The following KCTD19 variants were observed in gnomAD, a reference collection of about 807,000 sequenced individuals.
KCTD19 encodes the protein BTB/POZ domain-containing protein KCTD19.
KCTD19 carries 67 observed loss-of-function variants against 103.5 expected under a neutral mutation model. The ratio of observed to expected loss-of-function variants is 0.65; its 90% CI spans 0.53 to 0.79. The LOEUF is 0.79. Among genes scored for constraint, KCTD19 ranks in the 30% least tolerant of loss-of-function variants. KCTD19 has a pLI of 0.00. For missense variants in KCTD19, 980 were observed against 1,136.1 expected (o/e 0.86, Z 1.98); for synonymous variants, 439 against 452.2 (o/e 0.97, Z 0.37).
chr16:67,299,632 G>C, intron 5 of KCTD19, 59 bp from the exon 6 acceptor site: 1 of 1,473,188 alleles, frequency 6.8e-7, no homozygotes, highest in Non-Finnish European at 9.3e-7. Context: ...TGGATTGGAG[G>C]CTTTGGGGCT....
In KCTD19 at chr16:67,293,489, G is replaced by C. The variant is rs2036723059; in HGVS notation, c.2218+55C>G. The stretch of plus-strand genomic sequence containing the variant: ...AACTTGCTCTGCCATCTTGGCCAAA[G>C]AGTTTGCCTTCTCTGTTGTGAATAA... On this transcript the variant is annotated intron_variant, in intron 12 of 15. Transcript: ENST00000304372. The surrounding 1 kb of genome is among the most constrained non-coding windows in gnomAD (Gnocchi z 4.0). The C allele has an allele frequency of 6.4e-7, 1 of 1,569,128 alleles. No individual in the cohort carries two copies. The highest frequency in any genetic ancestry group is 8.7e-7 in the Non-Finnish European group (1 of 1,154,494).
At position 67,320,639 on chromosome 16, in the gene KCTD19, T is replaced by A; in HGVS notation, c.250A>T (p.Asn84Tyr). Reference protein sequence around the residue: ...KLSFSSCAELNLLYEQALGLQ... With the variant: ...KLSFSSCAELYLLYEQALGLQ... ...CCCAATGCTTGCTCATACAGCAAGT[T>A]CAGTTCTGCACAACTGGAGAAGGAG... The change falls in exon 2 of 16, where the codon AAC becomes TAC. Residue 84 changes from asparagine to tyrosine, a missense_variant. By Grantham distance (143) the Asn-to-Tyr change is moderately radical. Transcript: ENST00000304372. This position sits in a 1 kb window ranked among gnomAD's most constrained non-coding sequence, Gnocchi z 4.0. 2 of 1,614,212 alleles carry A rather than the reference T, an allele frequency of 1.2e-6. No individual in the cohort carries two copies. Among genetic ancestry groups the A allele is most frequent in the Non-Finnish European group, 1.7e-6 (2 of 1,180,040 alleles).
chr16:67,290,602 G>C (rs985121115), intron 15 of KCTD19, among the ~76,000 whole-genome samples: 1 of 152,228 alleles, frequency 6.6e-6, no homozygotes, highest in Non-Finnish European at 1.5e-5. Flanking sequence ...CAAAGCTTGG[G>C]CTCATATGAT....
At chr16:67,306,151 A>G (rs1308842523) in intron 2 of KCTD19, among the ~76,000 whole-genome samples, 1 of 152,226 alleles carries the variant, frequency 6.6e-6, no homozygotes. Flanking sequence ...GCCCTCAAGA[A>G]GCTCTCAGCT....
At chr16:67,297,383 G>T (rs950715577) in intron 7 of KCTD19, 120 bp downstream of exon 7, 4 of 1,006,844 alleles carry the variant, frequency 4.0e-6, no homozygotes, top group Non-Finnish European at 5.9e-6. Context: ...CAAAATATTG[G>T]CCTGGCTTTC....
chr16:67,291,404 G>C lies in KCTD19; in HGVS notation c.2470C>G (p.His824Asp), dbSNP rs1386194086. 1 of 1,614,100 alleles carries C rather than the reference G, an allele frequency of 6.2e-7. No individual in the cohort carries two copies. The highest frequency in any genetic ancestry group is 1.3e-5 in the African/African-American group (1 of 74,940). ...WEEMFYAQKCHCFLADIIMDS... is the reference protein window; with the variant it reads ...WEEMFYAQKCDCFLADIIMDS... ...ATGATGATGTCAGCCAGGAAGCAGT[G>C]ACATTTCTGTGCATAAAACATCTCT... The change falls in exon 14 of 16, where the codon CAC (histidine) becomes GAC (aspartate). Residue 824 changes from histidine (H) to aspartate (D), a missense_variant. Physicochemically the swap from His to Asp is moderately conservative, Grantham distance 81. Transcript: ENST00000304372.
chr16:67,307,180 A>C (rs1047783683), intron 2 of KCTD19, among the ~76,000 whole-genome samples: 2 of 151,298 alleles, frequency 1.3e-5, no homozygotes, highest in Non-Finnish European at 2.9e-5. Flanking sequence ...ACAGAGTCAC[A>C]CTCTATCACC....
intron 15 of KCTD19, 118 bp from the exon 16 acceptor site, chr16:67,289,800 T>C (rs1486007319): frequency 5.8e-6 from 4 of 685,304 alleles, no homozygotes; most frequent in South Asian, 1.8e-5. Context: ...TTGGGGACTT[T>C]TGATGCTCTA....
intron 7 of KCTD19, among the ~76,000 whole-genome samples, chr16:67,296,926 C>T (rs767629284): frequency 2.6e-5 from 4 of 152,232 alleles, no homozygotes; most frequent in Non-Finnish European, 4.4e-5. Context: ...TTGCTTACTT[C>T]TGTGCCGCCA....
rs772652054 is a variant in KCTD19, at chr16:67,320,679, G to A, written c.210C>T (p.Leu70=). Reference sequence around the variant, plus strand: ...TGGAGAAGGAGAGTTTGGAGGTGTAGAGGTAATAGTGCACGTGCCTAAATG... The same window carrying A: ...TGGAGAAGGAGAGTTTGGAGGTGTAAAGGTAATAGTGCACGTGCCTAAATG... ...GSTFRHVHYY[L]YTSKLSFSSC... Residue 70 remains leucine, a synonymous_variant, in exon 2 of 16, where the codon CTC becomes CTT. Coordinates refer to ENST00000304372, the MANE Select transcript of KCTD19 (RefSeq NM_001100915.3). The surrounding 1 kb of genome is among the most constrained non-coding windows in gnomAD (Gnocchi z 4.0). 34 of 1,614,230 alleles carry A rather than the reference G, an allele frequency of 2.1e-5. No homozygotes were observed. The highest frequency in any genetic ancestry group is 2.8e-5 in the Non-Finnish European group (33 of 1,180,042).
At chr16:67,305,304 TA>T (rs2142511327) in intron 2 of KCTD19, 1 of 182,404 alleles carries the variant, frequency 5.5e-6, no homozygotes, top group South Asian at 1.1e-4. Flanking sequence ...TGAGGTATAA[TA>T]AACATGTCTT....
chr16:67,297,399 C>T, intron 7 of KCTD19, 104 bp downstream of exon 7: 2 of 1,162,246 alleles, frequency 1.7e-6, no homozygotes, highest in Non-Finnish European at 2.5e-6. Context: ...CTTTCCCCTC[C>T]TCCTCCATCT....
intron 2 of KCTD19, among the ~76,000 whole-genome samples, chr16:67,305,074 C>T (rs1170966375): frequency 6.6e-6 from 1 of 152,164 alleles, no homozygotes; most frequent in Non-Finnish European, 1.5e-5. Flanking sequence ...GATTATTTCT[C>T]TTCTGATTTT....
At chr16:67,297,115 T>G (rs529271536) in intron 7 of KCTD19, among the ~76,000 whole-genome samples, 28 of 152,360 alleles carry the variant, frequency 1.8e-4, no homozygotes, top group Middle Eastern at 3.4e-3. Context: ...ACTGTGTAAC[T>G]TGAGTGAGTT....
chr16:67,298,485 C>T (rs2036794596), intron 6 of KCTD19, among the ~76,000 whole-genome samples: 1 of 152,184 alleles, frequency 6.6e-6, no homozygotes, highest in African/African-American at 2.4e-5. Flanking sequence ...GCCTCATACG[C>T]ATCTGCCCAA....
intron 3 of KCTD19, among the ~76,000 whole-genome samples, chr16:67,304,050 C>T (rs1490458060): frequency 6.6e-6 from 1 of 152,184 alleles, no homozygotes; most frequent in Non-Finnish European, 1.5e-5. Flanking sequence ...GTACTCATGT[C>T]TCAGATAGGC....
intron 2 of KCTD19, among the ~76,000 whole-genome samples, chr16:67,309,604 G>C (rs1465936711): frequency 6.6e-6 from 1 of 152,242 alleles, no homozygotes; most frequent in Non-Finnish European, 1.5e-5. Flanking sequence ...GCTTGAATCT[G>C]CCACTTACTT....
chr16:67,308,976 T>C (rs1392341400), intron 2 of KCTD19, among the ~76,000 whole-genome samples: 2 of 151,288 alleles, frequency 1.3e-5, no homozygotes, highest in African/African-American at 2.4e-5. Context: ...CTACTAAATA[T>C]ACAAAAAATT....
intron 2 of KCTD19, among the ~76,000 whole-genome samples, chr16:67,317,419 C>T (rs111793886): frequency 4.6e-5 from 7 of 151,178 alleles, no homozygotes; most frequent in African/African-American, 1.7e-4. Context: ...CGGAGGTTGC[C>T]ATGAGCCGAG....
Sources: allele counts gnomAD v4.1 joint callset (sites outside exome capture counted in the v4.1 genomes callset), GRCh38; gene constraint gnomAD v4.1.1; non-coding constraint Gnocchi (gnomAD v3.1); transcripts MANE v1.5; gene names NCBI Gene and HGNC (gene_info 2026-07-23, HGNC 2026-07-21).